The following PSD2 variants were observed in gnomAD, a reference collection of about 807,000 sequenced individuals.
The protein encoded by PSD2 is PH and SEC7 domain-containing protein 2.
In PSD2, 38 loss-of-function variants were observed where a neutral mutation model predicts 69.8. The ratio of observed to expected loss-of-function variants is 0.54; its 90% CI spans 0.42 to 0.71. The LOEUF is 0.71. PSD2 is among the 30% of genes least tolerant of loss of function. PSD2 has a pLI of 0.00. For missense variants in PSD2, 943 were observed against 1,014.5 expected (o/e 0.93, Z 0.96); for synonymous variants, 412 against 423.0 (o/e 0.97, Z 0.32).
At chr5:139,762,692 G>A in the PSD2 span, among the ~76,000 whole-genome samples, 64 of 152,248 alleles carry the variant, frequency 4.2e-4, no homozygotes, top group East Asian at 0.012. Flanking sequence ...AAGAGAGGAG[G>A]GTCATCTACC....
At chr5:139,823,273 C>T (rs771674642) in intron 7 of PSD2, among the ~76,000 whole-genome samples, 17 of 152,218 alleles carry the variant, frequency 1.1e-4, no homozygotes, top group Non-Finnish European at 2.1e-4. Flanking sequence ...TTTCCTCTAT[C>T]TGCTCCGGGA....
chr5:139,770,561 G>A, the PSD2 span, among the ~76,000 whole-genome samples: 2 of 152,022 alleles, frequency 1.3e-5, no homozygotes, highest in Admixed American at 6.6e-5. Context: ...GCGAGACTCC[G>A]TGTCAAAAAA....
Position 139,840,000 on chromosome 5 carries a change from C to T in PSD2, c.1969-27C>T, listed in dbSNP as rs1256288281. 3 of 1,613,616 alleles carry T rather than the reference C, an allele frequency of 1.9e-6. No individual in the cohort carries two copies. In the African/African-American group the frequency reaches 4.0e-5, roughly 22 times the overall value. ...CTCCGTGACATCCTGAGAGTAAGGC[C>T]TCACAGTCCAGGATTTGTCTTTGCA... On this transcript the variant is annotated intron_variant, in intron 13 of 14. Coordinates refer to ENST00000274710, the MANE Select transcript of PSD2 (RefSeq NM_032289.4). The surrounding 1 kb of genome is among the most constrained non-coding windows in gnomAD (Gnocchi z 5.1).
the PSD2 span, among the ~76,000 whole-genome samples, chr5:139,760,855 G>C: frequency 6.6e-6 from 1 of 152,088 alleles, no homozygotes; most frequent in Non-Finnish European, 1.5e-5. Flanking sequence ...AGAGAATGAT[G>C]TACTGATGAT....
chr5:139,799,689 G>A (rs139666720), intron 1 of PSD2, among the ~76,000 whole-genome samples: 5 of 152,266 alleles, frequency 3.3e-5, no homozygotes, highest in East Asian at 1.9e-4. Context: ...ACAAGACAGG[G>A]GGGACAGCAT....
At chr5:139,745,562 T>C in the PSD2 span, among the ~76,000 whole-genome samples, 6 of 152,220 alleles carry the variant, frequency 3.9e-5, no homozygotes, top group Non-Finnish European at 8.8e-5. Flanking sequence ...GTGGAGGCCT[T>C]CTGAGAGAAC....
intron 1 of PSD2, among the ~76,000 whole-genome samples, chr5:139,799,219 C>G (rs568827293): frequency 6.6e-6 from 1 of 152,202 alleles, no homozygotes. Context: ...TGTTCCTCCC[C>G]CTTCCCTACC....
At chr5:139,790,397 G>C in the PSD2 span, among the ~76,000 whole-genome samples, 1 of 152,092 alleles carries the variant, frequency 6.6e-6, no homozygotes, top group Non-Finnish European at 1.5e-5. Context: ...ACACCGAGAA[G>C]CTTCAGGGTT....
chr5:139,832,518 A>G (rs1760620594), intron 7 of PSD2, among the ~76,000 whole-genome samples: 1 of 152,248 alleles, frequency 6.6e-6, no homozygotes. Context: ...AATAGTGCCA[A>G]TGTCAGTAAA....
chr5:139,768,828 C>T, the PSD2 span, among the ~76,000 whole-genome samples: 3 of 152,138 alleles, frequency 2.0e-5, no homozygotes, highest in Admixed American at 6.5e-5. Flanking sequence ...ATGGTGGGTG[C>T]ATCATGCCTC....
intron 5 of PSD2, among the ~76,000 whole-genome samples, chr5:139,819,212 T>TG (rs915295258): frequency 2.0e-5 from 3 of 152,338 alleles, no homozygotes; most frequent in African/African-American, 7.2e-5. Flanking sequence ...AGAAGGTTTG[T>TG]GGGGATGCAG....
At chr5:139,833,681 A>C in intron 7 of PSD2, 21 bp from the exon 8 acceptor site, 4 of 1,592,904 alleles carry the variant, frequency 2.5e-6, no homozygotes, top group Non-Finnish European at 3.4e-6. Context: ...ACTCTTAGGC[A>C]GAACCATTTC....
At chr5:139,775,769 A>G in the PSD2 span, among the ~76,000 whole-genome samples, 28 of 152,230 alleles carry the variant, frequency 1.8e-4, no homozygotes, top group Admixed American at 3.3e-4. Flanking sequence ...CCGAGGTTCA[A>G]GCGATTCTCC....
intron 7 of PSD2, among the ~76,000 whole-genome samples, chr5:139,823,706 T>C (rs929390140): frequency 7.2e-5 from 11 of 152,170 alleles, no homozygotes; most frequent in Admixed American, 1.3e-4. Flanking sequence ...GTAATATACA[T>C]GGCACCAAGG....
chr5:139,794,516 T>C (rs1419921638), upstream of PSD2, among the ~76,000 whole-genome samples: 1 of 152,088 alleles, frequency 6.6e-6, no homozygotes, highest in Non-Finnish European at 1.5e-5. Context: ...TGTGTGTTCA[T>C]GGGTGGAAAG....
chr5:139,836,473 G>A (rs139724191), intron 9 of PSD2, among the ~76,000 whole-genome samples: 1,556 of 152,338 alleles, frequency 0.01, 10 homozygotes, highest in Non-Finnish European at 0.016. Flanking sequence ...GTCTGGCCAC[G>A]GTTAGTGCTC....
chr5:139,771,535 C>T, the PSD2 span, among the ~76,000 whole-genome samples: 10 of 152,094 alleles, frequency 6.6e-5, no homozygotes, highest in South Asian at 6.2e-4. Flanking sequence ...CCCGCCACCA[C>T]GCCCGGCTAA....
At chr5:139,755,000 C>T in the PSD2 span, among the ~76,000 whole-genome samples, 2 of 152,218 alleles carry the variant, frequency 1.3e-5, no homozygotes, top group Admixed American at 6.5e-5. Context: ...AGGGAATCCA[C>T]ATGATAATGG....
chr5:139,835,257 CTCTG>C (rs1395089219), intron 8 of PSD2, among the ~76,000 whole-genome samples: 1 of 152,026 alleles, frequency 6.6e-6, no homozygotes, highest in Non-Finnish European at 1.5e-5. Flanking sequence ...CTCATATACC[CTCTG>C]TCTACCCACC....
Sources: gnomAD v4.1 joint callset for allele counts (sites outside exome capture counted in the v4.1 genomes callset) on GRCh38, gnomAD v4.1.1 for gene constraint, Gnocchi (gnomAD v3.1) non-coding constraint, MANE v1.5 for transcripts, NCBI Gene and HGNC (gene_info 2026-07-23, HGNC 2026-07-21) for gene names.